The following SPRED2 variants were observed in gnomAD, a reference collection of about 807,000 sequenced individuals.
SPRED2 encodes sprouty-related, EVH1 domain-containing protein 2.
A neutral mutation model predicts 43.0 loss-of-function variants in SPRED2; 47 were observed. The ratio of observed to expected loss-of-function variants is 1.09; its 90% CI spans 0.87 to 1.40. The LOEUF is 1.40. Among genes scored for constraint, SPRED2 ranks in the 40% most tolerant of loss-of-function variants. The probability of loss-of-function intolerance (pLI) is 0.00; values close to 1 mark genes in which losing one functional copy is unlikely to be tolerated. For missense variants in SPRED2, 561 were observed against 586.4 expected (o/e 0.96, Z 0.45); for synonymous variants, 225 against 225.7 (o/e 1.00, Z 0.03).
Position 65,312,959 on chromosome 2 carries a change from T to TCCC in SPRED2, c.*541_*542insGGG. ...CAAGTTTGTTAACTAGCTCACCTCC[T>TCCC]ATACATAATAACTGACTGCAGGCTG... On this transcript the variant is annotated 3_prime_UTR_variant, in exon 6 of 6. Transcript: ENST00000356388. 3.0e-6 allele frequency: 3 copies of TCCC among 985,820 alleles called. No homozygotes were observed. Among genetic ancestry groups the TCCC allele is most frequent in the Middle Eastern group, 5.2e-4 (1 of 1,914 alleles). 61.1% of individuals were successfully genotyped at this position (985,820 alleles called of 1,614,324 possible).
Position 65,338,723 on chromosome 2 carries a change from G to A in SPRED2, c.205-3950C>T, listed in dbSNP as rs867132454. Among the ~76,000 whole-genome samples the A allele has an allele frequency of 4.7e-3, 708 of 151,294 alleles. 4 individuals are homozygous for A. The highest frequency in any genetic ancestry group is 7.6e-3 in the Non-Finnish European group (516 of 67,748). ...GCAGCCTCTGCCCGGCCGCCACCCC[G>A]TCTGGGAAGTGAGGAGCGTCTCTGC... On this transcript the variant is annotated intron_variant, in intron 2 of 5. Transcript: ENST00000356388.
chr2:65,360,438 G>C (rs923691391), intron 1 of SPRED2, among the ~76,000 whole-genome samples: 1 of 152,182 alleles, frequency 6.6e-6, no homozygotes, highest in African/African-American at 2.4e-5. Flanking sequence ...CGCATATAGC[G>C]AATTAACCTT....
At chr2:65,415,887 C>T (rs1199381959) in intron 1 of SPRED2, among the ~76,000 whole-genome samples, 3 of 152,032 alleles carry the variant, frequency 2.0e-5, no homozygotes, top group South Asian at 2.1e-4. Context: ...GAACAAAGGG[C>T]GAAAGAAAAG....
chr2:65,323,773 G>A (rs1022930277), intron 4 of SPRED2, among the ~76,000 whole-genome samples: 1 of 152,038 alleles, frequency 6.6e-6, no homozygotes, highest in Admixed American at 6.6e-5. Flanking sequence ...CTACTCGGGA[G>A]GCTGAGGCAG....
chr2:65,333,511 G>A (rs1281538881), intron 3 of SPRED2, among the ~76,000 whole-genome samples: 1 of 152,092 alleles, frequency 6.6e-6, no homozygotes, highest in East Asian at 1.9e-4. Context: ...TGTATATAGA[G>A]AAAAAAATTA....
intron 1 of SPRED2, among the ~76,000 whole-genome samples, chr2:65,365,056 T>A (rs1426662932): frequency 6.6e-6 from 1 of 152,248 alleles, no homozygotes; most frequent in African/African-American, 2.4e-5. Flanking sequence ...GAATCTGAAG[T>A]ATTTTTTAAT....
chr2:65,313,689 G>A lies in SPRED2; in HGVS notation c.1069C>T (p.Pro357Ser). The A allele has an allele frequency of 6.2e-7, 1 of 1,614,154 alleles. No homozygotes were observed. Among genetic ancestry groups the A allele is most frequent in the South Asian group, 1.1e-5 (1 of 91,072 alleles). The change falls in exon 6 of 6, where the codon CCC becomes TCC. Residue 357 changes from proline (P) to serine (S), a missense_variant. By Grantham distance (74) the Pro-to-Ser change is moderately conservative (BLOSUM62 -1). Around this residue, in one of 6 missense-constraint regions of SPRED2, gnomAD observed 65 missense variants for 60.2 expected, o/e 1.08. Transcript: ENST00000356388. ...DSMLYHCMSD[P>S]EGDYTDPCSC... ...CAAGGGTCTGTATAGTCTCCCTCGG[G>A]GTCCGACATACAGTGATAGAGCATG...
At chr2:65,317,438 G>A (rs879494795) in intron 4 of SPRED2, among the ~76,000 whole-genome samples, 4 of 152,036 alleles carry the variant, frequency 2.6e-5, no homozygotes, top group South Asian at 2.1e-4. Flanking sequence ...GTTTGAACCC[G>A]GGAAGCGGAG....
downstream of SPRED2, among the ~76,000 whole-genome samples, chr2:65,310,145 C>T (rs994205649): frequency 1.6e-4 from 24 of 152,314 alleles, no homozygotes; most frequent in African/African-American, 5.8e-4. Flanking sequence ...TCTCTCCATG[C>T]TTCTCACCTT....
intron 1 of SPRED2, among the ~76,000 whole-genome samples, chr2:65,351,668 A>G (rs769314221): frequency 1.2e-4 from 18 of 152,230 alleles, no homozygotes; most frequent in Non-Finnish European, 1.8e-4. Context: ...ATTTCATCGA[A>G]TTATATGTTT....
At chr2:65,404,943 C>T (rs186071840) in intron 1 of SPRED2, among the ~76,000 whole-genome samples, 185 of 152,328 alleles carry the variant, frequency 1.2e-3, no homozygotes, top group African/African-American at 4.3e-3. Flanking sequence ...CCCTAACAGG[C>T]CTTTAATTCC....
chr2:65,319,655 C>G (rs535753244), intron 4 of SPRED2, among the ~76,000 whole-genome samples: 1 of 152,322 alleles, frequency 6.6e-6, no homozygotes, highest in East Asian at 1.9e-4. Flanking sequence ...TTACTCCTCC[C>G]CAGGTTCCCT....
At chr2:65,397,394 G>T (rs886073641) in intron 1 of SPRED2, among the ~76,000 whole-genome samples, 9 of 152,086 alleles carry the variant, frequency 5.9e-5, no homozygotes, top group Non-Finnish European at 1.2e-4. Flanking sequence ...AACCAGAATG[G>T]GTTGTGGCTT....
At chr2:65,326,849 T>A (rs80196536) in intron 4 of SPRED2, among the ~76,000 whole-genome samples, 3 of 149,906 alleles carry the variant, frequency 2.0e-5, no homozygotes, top group African/African-American at 7.4e-5. Context: ...AAAAAAACAA[T>A]TTTTTTTTTG....
At chr2:65,308,206 T>G (rs1572821379), downstream of SPRED2, 1 of 697,106 alleles carries the variant, frequency 1.4e-6, no homozygotes, top group African/African-American at 1.9e-5. Flanking sequence ...AGAAGCGGGG[T>G]GGGAGGTTCA....
At chr2:65,365,095 C>T (rs1209098245) in intron 1 of SPRED2, among the ~76,000 whole-genome samples, 2 of 152,132 alleles carry the variant, frequency 1.3e-5, no homozygotes, top group African/African-American at 4.8e-5. Flanking sequence ...TAAATGTGTA[C>T]TATATATGCA....
intron 1 of SPRED2, among the ~76,000 whole-genome samples, chr2:65,349,308 C>CAAAAAAAAAAA (rs59019958): frequency 3.6e-5 from 3 of 83,702 alleles, no homozygotes; most frequent in Non-Finnish European, 6.8e-5. Context: ...GACTCTGTCT[C>CAAAAAAAAAAA]AAAAAAAAAA....
chr2:65,365,415 T>C (rs963892957), intron 1 of SPRED2, among the ~76,000 whole-genome samples: 3 of 152,256 alleles, frequency 2.0e-5, no homozygotes, highest in Admixed American at 6.5e-5. Context: ...GTAAATTGAA[T>C]GCATTTACTG....
intron 1 of SPRED2, among the ~76,000 whole-genome samples, chr2:65,396,146 GC>G (rs1245406572): frequency 6.6e-6 from 1 of 152,264 alleles, no homozygotes; most frequent in East Asian, 1.9e-4. Flanking sequence ...TGTGGGTGAG[GC>G]CTCAGTCAAG....
Sources: allele counts gnomAD v4.1 joint callset (sites outside exome capture counted in the v4.1 genomes callset), GRCh38; gene constraint gnomAD v4.1.1; regional missense constraint gnomAD v4.1.1; transcripts MANE v1.5; gene names NCBI Gene and HGNC (gene_info 2026-07-23, HGNC 2026-07-21).